Variants in LRFN1 observed in about 807,000 individuals in gnomAD.
LRFN1 encodes the protein leucine rich repeat and fibronectin type III domain containing 1, also known as leucine-rich repeat and fibronectin type III domain-containing protein 1.
Under a neutral mutation model 31.8 loss-of-function variants are expected in LRFN1, and 20 were observed. The ratio of observed to expected loss-of-function variants is 0.63; its 90% CI spans 0.44 to 0.91. The LOEUF (loss-of-function observed/expected upper bound fraction) is 0.91, where lower values mean the gene tolerates loss of function less well. Among genes scored for constraint, LRFN1 ranks in the 40% least tolerant of loss-of-function variants. LRFN1 has a pLI of 0.00. For synonymous variants in LRFN1, 514 were observed against 541.3 expected (o/e 0.95, Z 0.70); for missense variants, 912 against 1,129.8 (o/e 0.81, Z 2.76).
chr19:39,314,614 C>A lies in LRFN1; in HGVS notation c.723G>T (p.Pro241=). 5 of 1,609,578 alleles carry A rather than the reference C, an allele frequency of 3.1e-6. No individual in the cohort carries two copies. The highest frequency in any genetic ancestry group is 4.2e-6 in the Non-Finnish European group (5 of 1,178,086). ...FLRSQGTGPK[P]PTPLTVSFGG... ...CGAAGCTGACGGTCAGCGGGGTGGG[C>A]GGCTTGGGCCCGGTGCCCTGCGACC... Residue 241 remains proline, a synonymous_variant, in exon 4 of 5, where the codon CCG becomes CCT. Coordinates refer to ENST00000248668, the MANE Select transcript of LRFN1 (RefSeq NM_020862.2).
intron 1 of LRFN1, among the ~76,000 whole-genome samples, chr19:39,318,815 C>T (rs146980251): frequency 3.3e-5 from 5 of 152,320 alleles, no homozygotes; most frequent in Non-Finnish European, 5.9e-5. Flanking sequence ...TCAGAACCCA[C>T]GCAAGCCCAC....
chr19:39,313,306 G>A (rs901565671), intron 4 of LRFN1, among the ~76,000 whole-genome samples: 6 of 152,138 alleles, frequency 3.9e-5, no homozygotes, highest in Non-Finnish European at 5.9e-5. Flanking sequence ...CAAGGCAGGC[G>A]GATCACTTGA....
rs757353043 is a variant in LRFN1 at position 39,314,875 on chromosome 19, C to A, written c.462G>T (p.Ser154=). The A allele has an allele frequency of 1.9e-6, 3 of 1,609,532 alleles. No homozygotes were observed. The highest frequency in any genetic ancestry group is 2.5e-6 in the Non-Finnish European group (3 of 1,178,096). The part of the protein sequence containing the change: ...LGNNQIRRVE[S]AAFDAFLSTV... The stretch of plus-strand genomic sequence containing the variant: ...TGGACAGGAAGGCGTCAAAGGCCGC[C>A]GACTCCACCCGGCGGATCTGGTTGT... Residue 154 remains serine, a synonymous_variant, in exon 4 of 5, where the codon TCG becomes TCT. Transcript: ENST00000248668.
Position 39,315,734 on chromosome 19 carries a change from G to A in LRFN1, c.-38+348C>T, listed in dbSNP as rs1033123372. 6.6e-6 allele frequency among the ~76,000 whole-genome samples: 1 copy of A among 152,128 alleles called. No individual in the cohort carries two copies. Reference sequence around the variant, plus strand: ...CTTGGGAGGCTGAAGCACGAGAATCGCTTGAACCAGGGAGGTGGAGGTTGC... The same window carrying A: ...CTTGGGAGGCTGAAGCACGAGAATCACTTGAACCAGGGAGGTGGAGGTTGC... On this transcript the variant is annotated intron_variant, in intron 3 of 4. Transcript: ENST00000248668. The surrounding 1 kb of genome is among the most constrained non-coding windows in gnomAD (Gnocchi z 4.7).
rs181659895 is a variant in LRFN1, at chr19:39,307,133, C to T, written c.*500G>A. 1 of 396,714 alleles carries T rather than the reference C, an allele frequency of 2.5e-6. No individual in the cohort carries two copies. Among genetic ancestry groups the T allele is most frequent in the Non-Finnish European group, 4.4e-6 (1 of 225,516 alleles). 24.6% of individuals were successfully genotyped at this position (396,714 alleles called of 1,614,324 possible). ...AACGAGGGAAACAGAGAAAGGGGGACCCCAAGCCAGACCCGACCGGACCAG... is the reference window on the plus strand; with the variant it reads ...AACGAGGGAAACAGAGAAAGGGGGATCCCAAGCCAGACCCGACCGGACCAG... On this transcript the variant is annotated 3_prime_UTR_variant, in exon 5 of 5. Coordinates refer to ENST00000248668, the MANE Select transcript of LRFN1 (RefSeq NM_020862.2). The surrounding 1 kb of genome is among the most constrained non-coding windows in gnomAD (Gnocchi z 6.7).
chr19:39,308,654 A>C lies in LRFN1; in HGVS notation c.1407-112T>G. The stretch of plus-strand genomic sequence containing the variant: ...GACTAAACCCTGCTATCGAAGTCTC[A>C]GCCGCTACTGAGACAACAGCAGCAA... On this transcript the variant is annotated intron_variant, in intron 4 of 4. Coordinates refer to ENST00000248668, the MANE Select transcript of LRFN1 (RefSeq NM_020862.2). This position sits in a 1 kb window ranked among gnomAD's most constrained non-coding sequence, Gnocchi z 6.2. 1.0e-6 allele frequency: 1 copy of C among 959,056 alleles called. No homozygotes were observed. Among genetic ancestry groups the C allele is most frequent in the Non-Finnish European group, 1.5e-6 (1 of 664,082 alleles). The allele number at this position is 959,056 out of a possible 1,614,324, so 59.4% of individuals were successfully genotyped here.
rs758333637 is a variant in LRFN1, at chr19:39,314,172, G to A, written c.1165C>T (p.Pro389Ser). ...ATAPVEVCVV[P>S]LPLMAPPPAA... ...GGCGGGGGTGCCATCAGAGGCAGAGGTACCACGCACACCTCCACGGGCGCC... is the reference window on the plus strand; with the variant it reads ...GGCGGGGGTGCCATCAGAGGCAGAGATACCACGCACACCTCCACGGGCGCC... Residue 389 changes from proline (P) to serine (S), a missense_variant, in exon 4 of 5, where the codon CCT (proline) becomes TCT (serine). By Grantham distance (74) the Pro-to-Ser change is moderately conservative (BLOSUM62 -1). Around this residue, in one of 2 missense-constraint regions of LRFN1, gnomAD observed 401 missense variants for 572.7 expected, o/e 0.70. Coordinates refer to ENST00000248668, the MANE Select transcript of LRFN1 (RefSeq NM_020862.2). 4 of 1,613,162 alleles carry A rather than the reference G, an allele frequency of 2.5e-6. No individual in the cohort carries two copies. Among genetic ancestry groups the A allele is most frequent in the South Asian group, 1.1e-5 (1 of 91,078 alleles).
At chr19:39,313,641 C>T (rs960433021) in intron 4 of LRFN1, among the ~76,000 whole-genome samples, 2 of 152,324 alleles carry the variant, frequency 1.3e-5, no homozygotes, top group East Asian at 1.9e-4. Flanking sequence ...GCAGTGATAT[C>T]GACCATGAGC....
At position 39,308,188 on chromosome 19, in the gene LRFN1, G is replaced by C. The variant is rs1302184518; in HGVS notation, c.1761C>G (p.Asn587Lys). Reference sequence around the variant, plus strand: ...CCTGTGCCGCGCCTGTGCCTGCGCCGTTGGTCTGCGAGCACACGTGGCTGA... The same window carrying C: ...CCTGTGCCGCGCCTGTGCCTGCGCCCTTGGTCTGCGAGCACACGTGGCTGA... ...PRVSHVCSQT[N>K]GAGTGAAQAP... The change falls in exon 5 of 5, where the codon AAC (asparagine) becomes AAG (lysine). Residue 587 changes from asparagine to lysine, a missense_variant. By Grantham distance (94) the Asn-to-Lys change is moderately conservative. Coordinates refer to ENST00000248668, the MANE Select transcript of LRFN1 (RefSeq NM_020862.2). This position sits in a 1 kb window ranked among gnomAD's most constrained non-coding sequence, Gnocchi z 6.2. The C allele has an allele frequency of 6.3e-7, 1 of 1,596,460 alleles. No homozygotes were observed. Among genetic ancestry groups the C allele is most frequent in the Non-Finnish European group, 8.5e-7 (1 of 1,170,250 alleles).
At chr19:39,320,182 G>C (rs1255443065) in intron 1 of LRFN1, among the ~76,000 whole-genome samples, 4 of 148,592 alleles carry the variant, frequency 2.7e-5, no homozygotes, top group African/African-American at 7.5e-5. Flanking sequence ...GACATGGACC[G>C]AGGGAGCGGC....
chr19:39,306,758 C>A lies in LRFN1; in HGVS notation c.*875G>T. 1 of 153,948 alleles carries A rather than the reference C, an allele frequency of 6.5e-6. No individual in the cohort carries two copies. The highest frequency in any genetic ancestry group is 1.4e-5 in the Non-Finnish European group (1 of 69,678). The allele number at this position is 153,948 out of a possible 1,614,324, so 9.5% of individuals were successfully genotyped here. On this transcript the variant is annotated 3_prime_UTR_variant, in exon 5 of 5. Coordinates refer to ENST00000248668, the MANE Select transcript of LRFN1 (RefSeq NM_020862.2). ...ACACACACACACACACACACACACA[C>A]ACACACACACACACTACACGCGGAC...
In LRFN1 at chr19:39,314,014, G is replaced by A. The variant is rs988868428; in HGVS notation, c.1323C>T (p.Arg441=). The A allele has an allele frequency of 3.7e-6, 6 of 1,611,780 alleles. No homozygotes were observed. The highest frequency in any genetic ancestry group is 2.2e-5 in the East Asian group (1 of 44,866). ...AELTSNSVLI[R]WPAQRPVPGI... ...CGGGCACAGGCCTCTGGGCTGGCCAGCGGATGAGCACGGAGTTCGAGGTGA... is the reference window on the plus strand; with the variant it reads ...CGGGCACAGGCCTCTGGGCTGGCCAACGGATGAGCACGGAGTTCGAGGTGA... The change falls in exon 4 of 5, where the codon CGC becomes CGT. Residue 441 remains arginine (R), a synonymous_variant. Transcript: ENST00000248668.
rs768957461 is a variant in LRFN1, at chr19:39,308,138, T to C, written c.1811A>G (p.His604Arg). The change falls in exon 5 of 5, where the codon CAC becomes CGC. Residue 604 changes from histidine to arginine, a missense_variant. By Grantham distance (29) the His-to-Arg change is conservative. Around this residue, in one of 2 missense-constraint regions of LRFN1, gnomAD observed 511 missense variants for 557.0 expected, o/e 0.92. Transcript: ENST00000248668. This position sits in a 1 kb window ranked among gnomAD's most constrained non-coding sequence, Gnocchi z 6.2. Reference sequence around the variant, plus strand: ...CTCCACCTCGCGCAGCGCCTCGTAGTGGTCCTGGGCCGGCAGGGCCGGGGC... The same window carrying C: ...CTCCACCTCGCGCAGCGCCTCGTAGCGGTCCTGGGCCGGCAGGGCCGGGGC... ...AQAPALPAQD[H>R]YEALREVESQ... is the part of the protein sequence containing the mutation. 5 of 1,531,766 alleles carry C rather than the reference T, an allele frequency of 3.3e-6. No homozygotes were observed. The highest frequency in any genetic ancestry group is 2.6e-6 in the Non-Finnish European group (3 of 1,142,034). 94.9% of individuals were successfully genotyped at this position (1,531,766 alleles called of 1,614,324 possible).
chr19:39,312,800 C>G (rs1041925260), intron 4 of LRFN1, among the ~76,000 whole-genome samples: 1 of 93,888 alleles, frequency 1.1e-5, no homozygotes, highest in Non-Finnish European at 2.5e-5. Context: ...AAGACCCTGC[C>G]AAAAAAAAAA....
chr19:39,311,902 G>C (rs2075151784), intron 4 of LRFN1, among the ~76,000 whole-genome samples: 1 of 121,478 alleles, frequency 8.2e-6, no homozygotes, highest in Non-Finnish European at 1.6e-5. Flanking sequence ...TTTTTTTCCA[G>C]AGGGAGTCTC....
chr19:39,311,836 G>C lies in LRFN1; in HGVS notation c.1406+2095C>G, dbSNP rs1186186864. 2.0e-5 allele frequency among the ~76,000 whole-genome samples: 3 copies of C among 150,828 alleles called. No homozygotes were observed. The East Asian group carries it at 5.9e-4, about 30-fold the overall frequency. On this transcript the variant is annotated intron_variant, in intron 4 of 4. Coordinates refer to ENST00000248668, the MANE Select transcript of LRFN1 (RefSeq NM_020862.2). The stretch of plus-strand genomic sequence containing the variant: ...GTGTTTGGGACCAGAATCAAAAAGA[G>C]AGGGAAATGAGGAAGACAGAGACAA...
chr19:39,315,105 C>T lies in LRFN1; in HGVS notation c.232G>A (p.Ala78Thr), dbSNP rs1291051423. ...VELRLTDNFI[A>T]AVRRRDFANM... ...GCGAAGTCTCGGCGGCGCACGGCGG[C>T]GATGAAGTTGTCGGTGAGCCGCAGC... Residue 78 changes from alanine (A) to threonine (T), a missense_variant, in exon 4 of 5, where the codon GCC becomes ACC. Around this residue, in one of 2 missense-constraint regions of LRFN1, gnomAD observed 401 missense variants for 572.7 expected, o/e 0.70. Transcript: ENST00000248668. The surrounding 1 kb of genome is among the most constrained non-coding windows in gnomAD (Gnocchi z 4.7). The T allele has an allele frequency of 2.5e-6, 4 of 1,593,916 alleles. No homozygotes were observed. In the East Asian group the frequency reaches 8.9e-5, roughly 36 times the overall value.
chr19:39,308,015 C>A lies in LRFN1; in HGVS notation c.1934G>T (p.Gly645Val), dbSNP rs2075135906. 1 of 1,569,396 alleles carries A rather than the reference C, an allele frequency of 6.4e-7. No individual in the cohort carries two copies. The highest frequency in any genetic ancestry group is 8.6e-7 in the Non-Finnish European group (1 of 1,163,810). ...CAGCAGGCACAGCGAGGTGGCCGAG[C>A]CGCCCAGAGAACGTCCAAGGACCAC... ...PEVVLGRSLG[G>V]SATSLCLLPS... The change falls in exon 5 of 5, where the codon GGC becomes GTC. Residue 645 changes from glycine to valine, a missense_variant. Physicochemically the swap from Gly to Val is moderately radical, Grantham distance 109. Transcript: ENST00000248668. This position sits in a 1 kb window ranked among gnomAD's most constrained non-coding sequence, Gnocchi z 6.2.
In LRFN1 at chr19:39,308,579, C is replaced by A; in HGVS notation, c.1407-37G>T. On this transcript the variant is annotated intron_variant, in intron 4 of 4. Coordinates refer to ENST00000248668, the MANE Select transcript of LRFN1 (RefSeq NM_020862.2). This position sits in a 1 kb window ranked among gnomAD's most constrained non-coding sequence, Gnocchi z 6.2. ...GGCGGGTTCAGGGCGGGGTTAGTCC[C>A]CCCGAACCACGCCCCTTCGCTTTAT... 1 of 1,526,642 alleles carries A rather than the reference C, an allele frequency of 6.6e-7. No homozygotes were observed. Among genetic ancestry groups the A allele is most frequent in the Non-Finnish European group, 8.8e-7 (1 of 1,139,864 alleles). The allele number at this position is 1,526,642 out of a possible 1,614,324, so 94.6% of individuals were successfully genotyped here. A position where few individuals can be genotyped will look rare whatever the true frequency, so the allele number is the denominator to read the frequency against.
Sources: allele counts gnomAD v4.1 joint callset (sites outside exome capture counted in the v4.1 genomes callset), GRCh38; gene constraint gnomAD v4.1.1; regional missense constraint gnomAD v4.1.1; non-coding constraint Gnocchi (gnomAD v3.1); transcripts MANE v1.5; gene names NCBI Gene and HGNC (gene_info 2026-07-23, HGNC 2026-07-21).